The following EPHX1 variants were observed in gnomAD, a reference collection of about 807,000 sequenced individuals.
The protein encoded by EPHX1 is epoxide hydratase.
Under a neutral mutation model 43.2 loss-of-function variants are expected in EPHX1, and 40 were observed. The observed-to-expected ratio is 0.93, with a 90% CI of 0.72 to 1.21. The LOEUF (loss-of-function observed/expected upper bound fraction) is 1.21. Ranked by LOEUF, EPHX1 falls within the 50% of genes most tolerant of loss-of-function variation. The pLI is 0.00. For missense variants in EPHX1, 550 were observed against 570.4 expected (o/e 0.96, Z 0.36); for synonymous variants, 221 against 226.7 (o/e 0.98, Z 0.22).
intron 3 of EPHX1, chr1:225,832,217 G>A: frequency 2.1e-6 from 1 of 469,432 alleles, no homozygotes; most frequent in Non-Finnish European, 3.9e-6. Context: ...CAATGATGTG[G>A]CAATCTTTGA....
intron 3 of EPHX1, among the ~76,000 whole-genome samples, chr1:225,836,764 GGGT>G (rs1667990705): frequency 6.6e-6 from 1 of 152,202 alleles, no homozygotes; most frequent in Non-Finnish European, 1.5e-5. Context: ...GAGAGGAGAA[GGGT>G]GGTTGTCAGG....
rs900357659 is a variant in EPHX1, at chr1:225,828,981, C to G, written c.183+69C>G. ...GGTGTGTCGAAGACAGGGGTTGGGTCTTAGGCCAGATGCGGGAGGGGACGG... is the reference window on the plus strand; with the variant it reads ...GGTGTGTCGAAGACAGGGGTTGGGTGTTAGGCCAGATGCGGGAGGGGACGG... On this transcript the variant is annotated intron_variant, in intron 2 of 8. Transcript: ENST00000272167. 3 of 1,530,846 alleles carry G rather than the reference C, an allele frequency of 2.0e-6. No homozygotes were observed. The African/African-American group carries it at 4.1e-5, about 21-fold the overall frequency. 94.8% of individuals were successfully genotyped at this position (1,530,846 alleles called of 1,614,324 possible).
chr1:225,814,840 G>A (rs555726049), intron 1 of EPHX1, among the ~76,000 whole-genome samples: 19 of 152,348 alleles, frequency 1.2e-4, no homozygotes, highest in African/African-American at 4.6e-4. Flanking sequence ...CCCTCTTTCT[G>A]CTAGAACTGG....
rs760129064 is a variant in EPHX1 at position 225,838,886 on chromosome 1, G to C, written c.592+5G>C. 2.5e-6 allele frequency: 4 copies of C among 1,613,674 alleles called. No homozygotes were observed. The Admixed American group carries it at 6.7e-5, about 27-fold the overall frequency. On this transcript the variant is annotated splice_donor_5th_base_variant and intron_variant, in intron 4 of 8. Transcript: ENST00000272167. ...CAGAGGCATCCTCCAAGAAGGGTAC[G>C]GGGCTGCTAGAGGTTCCATAACTGC...
chr1:225,829,670 T>C (rs1409817764), intron 2 of EPHX1, among the ~76,000 whole-genome samples: 1 of 152,154 alleles, frequency 6.6e-6, no homozygotes. Context: ...GAGCACCTAC[T>C]GTGTGCAGGC....
intron 6 of EPHX1, 95 bp from the exon 7 acceptor site, chr1:225,842,271 C>G: frequency 1.0e-6 from 1 of 953,336 alleles, no homozygotes; most frequent in Admixed American, 1.8e-5. Context: ...GCACACAGCC[C>G]CGCCCTCTGC....
At position 225,845,362 on chromosome 1, in the gene EPHX1, C is replaced by T. The variant is rs200292137; in HGVS notation, c.*15C>T. ...AGCGGCAATGACCCACCCCTCTCCC[C>T]CCGCCTGCCACCTCCCCCCACAAGT... On this transcript the variant is annotated 3_prime_UTR_variant, in exon 9 of 9. Coordinates refer to ENST00000272167, the MANE Select transcript of EPHX1 (RefSeq NM_001136018.4). The T allele has an allele frequency of 1.9e-6, 3 of 1,570,814 alleles. No individual in the cohort carries two copies. The highest frequency in any genetic ancestry group is 2.7e-5 in the African/African-American group (2 of 74,604).
intron 3 of EPHX1, among the ~76,000 whole-genome samples, chr1:225,833,915 G>A (rs1040995030): frequency 2.0e-5 from 3 of 151,092 alleles, no homozygotes; most frequent in Non-Finnish European, 2.9e-5. Context: ...GGTCTAACTT[G>A]GTGAAACCCC....
chr1:225,828,832 G>A lies in EPHX1; in HGVS notation c.103G>A (p.Gly35Arg), dbSNP rs752713577. 2.5e-6 allele frequency: 4 copies of A among 1,613,034 alleles called. No individual in the cohort carries two copies. The highest frequency in any genetic ancestry group is 2.2e-5 in the East Asian group (1 of 44,868). Reference protein sequence around the residue: ...ETLPLEDGWWGPGTRSAARED... With the variant: ...ETLPLEDGWWRPGTRSAARED... ...TTTGCCACTTGAAGATGGGTGGTGG[G>A]GGCCAGGCACGAGGTCCGCAGCCAG... Residue 35 changes from glycine to arginine, a missense_variant, in exon 2 of 9, where the codon GGG (glycine) becomes AGG (arginine). Physicochemically the swap from Gly to Arg is moderately radical, Grantham distance 125. Transcript: ENST00000272167.
At chr1:225,834,767 A>G (rs1030302943) in intron 3 of EPHX1, among the ~76,000 whole-genome samples, 1 of 152,080 alleles carries the variant, frequency 6.6e-6, no homozygotes, top group Non-Finnish European at 1.5e-5. Context: ...TCCTGTTTGG[A>G]TTCCTGGCAC....
intron 3 of EPHX1, among the ~76,000 whole-genome samples, chr1:225,836,974 G>A (rs184127118): frequency 3.3e-5 from 5 of 152,252 alleles, no homozygotes; most frequent in Non-Finnish European, 7.4e-5. Context: ...GGAAATCAAT[G>A]GACTTTATAG....
chr1:225,838,636 T>C lies in EPHX1; in HGVS notation c.365-18T>C, dbSNP rs1243863080. The C allele has an allele frequency of 2.5e-6, 4 of 1,608,656 alleles. No homozygotes were observed. The highest frequency in any genetic ancestry group is 3.4e-6 in the Non-Finnish European group (4 of 1,175,226). On this transcript the variant is annotated intron_variant, in intron 3 of 8. Transcript: ENST00000272167. Reference sequence around the variant, plus strand: ...GTCTTCTCTCTCCCTCCACCCTGACTGTGCTCTGTCCCCCCAGGGCTGGAC... The same window carrying C: ...GTCTTCTCTCTCCCTCCACCCTGACCGTGCTCTGTCCCCCCAGGGCTGGAC...
rs559634480 is a variant in EPHX1, at chr1:225,836,238, C to T, written c.365-2416C>T. ...CAGAAAATGGATATCAGGGGAAAAA[C>T]TGAGGAAATCTGGCTCATATTTTGT... On this transcript the variant is annotated intron_variant, in intron 3 of 8. Transcript: ENST00000272167. Among the ~76,000 whole-genome samples the T allele has an allele frequency of 5.3e-5, 8 of 152,264 alleles. 1 individual carries two copies. In the South Asian group the frequency reaches 1.5e-3, roughly 28 times the overall value.
At chr1:225,814,524 C>T (rs1323958898) in intron 1 of EPHX1, among the ~76,000 whole-genome samples, 1 of 152,208 alleles carries the variant, frequency 6.6e-6, no homozygotes, top group Non-Finnish European at 1.5e-5. Context: ...AAGTCTAGGC[C>T]GTGTTCTGAG....
intron 2 of EPHX1, among the ~76,000 whole-genome samples, chr1:225,830,665 A>G (rs1166687438): frequency 6.6e-6 from 1 of 152,128 alleles, no homozygotes; most frequent in African/African-American, 2.4e-5. Flanking sequence ...GGGTTTCGCC[A>G]TGTTGGCCAG....
At chr1:225,837,631 C>T (rs1668038086) in intron 3 of EPHX1, among the ~76,000 whole-genome samples, 3 of 152,152 alleles carry the variant, frequency 2.0e-5, no homozygotes, top group Admixed American at 1.3e-4. Flanking sequence ...GATTCTCTTG[C>T]CTCAGCCTCC....
chr1:225,841,057 G>A (rs1010548662), intron 6 of EPHX1: 1 of 152,302 alleles, frequency 6.6e-6, no homozygotes, highest in South Asian at 2.1e-4. Flanking sequence ...ATTTTGGTGA[G>A]AATTTTCACA....
intron 1 of EPHX1, among the ~76,000 whole-genome samples, 166 bp from the exon 2 acceptor site, chr1:225,828,559 T>G (rs1044087066): frequency 1.4e-4 from 21 of 148,494 alleles, no homozygotes; most frequent in African/African-American, 3.9e-4. Flanking sequence ...ATGTATATAG[T>G]GTGTGTATAT....
intron 2 of EPHX1, among the ~76,000 whole-genome samples, chr1:225,831,195 C>T (rs745817740): frequency 3.3e-4 from 51 of 152,250 alleles, no homozygotes; most frequent in Admixed American, 3.0e-3. Flanking sequence ...AAAAGTTTGC[C>T]GACTCCCGCT....
Sources: allele counts gnomAD v4.1 joint callset (sites outside exome capture counted in the v4.1 genomes callset), GRCh38; gene constraint gnomAD v4.1.1; transcripts MANE v1.5; gene names NCBI Gene and HGNC (gene_info 2026-07-23, HGNC 2026-07-21).